The following CHRM3 variants were observed in gnomAD, a reference collection of about 807,000 sequenced individuals.
CHRM3 encodes muscarinic acetylcholine receptor M3.
CHRM3 carries 11 observed loss-of-function variants against 41.8 expected under a neutral mutation model. The ratio of observed to expected loss-of-function variants is 0.26; its 90% CI spans 0.17 to 0.44. The LOEUF is 0.44. Ranked by LOEUF, CHRM3 falls within the 20% of genes least tolerant of loss-of-function variation. The pLI is 1.00. For synonymous variants in CHRM3, 297 were observed against 301.4 expected, an observed-to-expected ratio of 0.99 and a Z score of 0.15; for missense variants, 571 against 745.4, an observed-to-expected ratio of 0.77 and a Z score of 2.72.
intron 3 of CHRM3, among the ~76,000 whole-genome samples, chr1:239,611,070 AG>A (rs1235530863): frequency 6.6e-6 from 1 of 152,128 alleles, no homozygotes; most frequent in East Asian, 1.9e-4. Flanking sequence ...ATAAAAAAAA[AG>A]AAATTCCCTG....
chr1:239,570,720 T>G (rs1044898414), intron 3 of CHRM3, among the ~76,000 whole-genome samples: 15 of 152,022 alleles, frequency 9.9e-5, no homozygotes, highest in Admixed American at 3.3e-4. Context: ...GTCCCTTAAA[T>G]TATATAGTCT....
At chr1:239,396,958 C>A (rs1572151343) in intron 1 of CHRM3, among the ~76,000 whole-genome samples, 1 of 152,202 alleles carries the variant, frequency 6.6e-6, no homozygotes, top group African/African-American at 2.4e-5. Context: ...AATGGCCTAG[C>A]AATGTAGAAA....
intron 1 of CHRM3, among the ~76,000 whole-genome samples, chr1:239,449,127 G>A (rs1016388944): frequency 6.6e-6 from 1 of 152,070 alleles, no homozygotes; most frequent in African/African-American, 2.4e-5. Flanking sequence ...AAATAAACTT[G>A]TCCTGTGAGC....
chr1:239,833,330 G>T (rs1673046190), intron 6 of CHRM3, among the ~76,000 whole-genome samples: 1 of 152,158 alleles, frequency 6.6e-6, no homozygotes, highest in South Asian at 2.1e-4. Context: ...AAGAAACCCT[G>T]GCTTTGTCCT....
At chr1:239,816,473 A>G (rs1195354120) in intron 5 of CHRM3, among the ~76,000 whole-genome samples, 1 of 152,146 alleles carries the variant, frequency 6.6e-6, no homozygotes, top group Non-Finnish European at 1.5e-5. Context: ...CACTGTTTAA[A>G]GCAAGGCAAA....
At chr1:239,842,337 T>A (rs890430948) in intron 6 of CHRM3, among the ~76,000 whole-genome samples, 1 of 151,852 alleles carries the variant, frequency 6.6e-6, no homozygotes, top group Non-Finnish European at 1.5e-5. Flanking sequence ...CCGGTTCAAG[T>A]GATTCTCCTG....
chr1:239,407,440 A>AGAGAGAGAGAGAGAGAGAGAGAGG (rs1240463600), intron 1 of CHRM3, among the ~76,000 whole-genome samples: 1 of 150,186 alleles, frequency 6.7e-6, no homozygotes, highest in Non-Finnish European at 1.5e-5. Context: ...AGAGAGAGAG[A>AGAGAGAGAGAGAGAGAGAGAGAGG]GCGCTAAATT....
chr1:239,867,559 A>G (rs1160711997), intron 6 of CHRM3, among the ~76,000 whole-genome samples: 1 of 151,916 alleles, frequency 6.6e-6, no homozygotes, highest in Non-Finnish European at 1.5e-5. Flanking sequence ...GGTGGCACAC[A>G]CCTGTAATCC....
chr1:239,433,018 C>T (rs1662947559), intron 1 of CHRM3, among the ~76,000 whole-genome samples: 1 of 152,142 alleles, frequency 6.6e-6, no homozygotes, highest in African/African-American at 2.4e-5. Flanking sequence ...ACATTGTCTT[C>T]ATCCAGCTCA....
At chr1:239,492,071 A>G (rs956191513) in intron 1 of CHRM3, among the ~76,000 whole-genome samples, 15 of 152,206 alleles carry the variant, frequency 9.9e-5, no homozygotes, top group Admixed American at 2.0e-4. Flanking sequence ...CTAACTCTCA[A>G]GGATATCAAG....
chr1:239,624,496 G>T (rs575646991), intron 3 of CHRM3, among the ~76,000 whole-genome samples: 60 of 139,280 alleles, frequency 4.3e-4, no homozygotes, highest in African/African-American at 1.4e-3. Flanking sequence ...AGAAGCTCTT[G>T]AGTTTAATTA....
At chr1:239,804,620 T>C (rs907019762) in intron 5 of CHRM3, among the ~76,000 whole-genome samples, 3 of 152,166 alleles carry the variant, frequency 2.0e-5, no homozygotes, top group African/African-American at 7.2e-5. Flanking sequence ...GATGATGACT[T>C]TGAACTCCAT....
chr1:239,759,954 G>A (rs1310671074), intron 5 of CHRM3, among the ~76,000 whole-genome samples: 3 of 151,546 alleles, frequency 2.0e-5, no homozygotes, highest in South Asian at 2.1e-4. Context: ...TCGCTCCATC[G>A]CCTAGGCTGG....
intron 5 of CHRM3, among the ~76,000 whole-genome samples, chr1:239,813,613 C>T (rs1054915829): frequency 6.6e-6 from 1 of 152,182 alleles, no homozygotes; most frequent in Non-Finnish European, 1.5e-5. Context: ...AGTGAAGTAA[C>T]AGAAACCATC....
chr1:239,757,807 G>A (rs527245226), intron 5 of CHRM3, among the ~76,000 whole-genome samples: 1 of 152,172 alleles, frequency 6.6e-6, no homozygotes, highest in East Asian at 1.9e-4. Flanking sequence ...GAATGTTAAT[G>A]CATTCTGTTT....
intron 3 of CHRM3, among the ~76,000 whole-genome samples, chr1:239,604,274 G>A (rs1426697767): frequency 6.8e-6 from 1 of 146,472 alleles, no homozygotes; most frequent in Non-Finnish European, 1.5e-5. Flanking sequence ...AAAATTCTTA[G>A]CACATCTGGG....
At chr1:239,848,986 A>G (rs886196295) in intron 6 of CHRM3, among the ~76,000 whole-genome samples, 2 of 152,206 alleles carry the variant, frequency 1.3e-5, no homozygotes, top group African/African-American at 4.8e-5. Context: ...TTAAATAGAT[A>G]TTACTGAATT....
intron 6 of CHRM3, among the ~76,000 whole-genome samples, chr1:239,867,322 T>G (rs1361764157): frequency 1.3e-5 from 2 of 152,246 alleles, no homozygotes; most frequent in Admixed American, 1.3e-4. Flanking sequence ...TCTGCTTATT[T>G]GAAAACTGAA....
At chr1:239,801,843 G>C (rs897832807) in intron 5 of CHRM3, among the ~76,000 whole-genome samples, 2 of 152,028 alleles carry the variant, frequency 1.3e-5, no homozygotes, top group African/African-American at 4.8e-5. Context: ...CTTTCTAGAA[G>C]CTTTTGTAGC....
Sources: allele counts gnomAD v4.1 joint callset (sites outside exome capture counted in the v4.1 genomes callset), GRCh38; gene constraint gnomAD v4.1.1; transcripts MANE v1.5; gene names NCBI Gene and HGNC (gene_info 2026-07-23, HGNC 2026-07-21).